HKDC1: variants seen among roughly 807,000 people sequenced by gnomAD.
HKDC1 encodes the protein hexokinase HKDC1.
A neutral mutation model predicts 96.6 loss-of-function variants in HKDC1; 66 were observed. The ratio of observed to expected loss-of-function variants is 0.68; its 90% CI spans 0.56 to 0.84. HKDC1 has a LOEUF of 0.84. Among genes scored for constraint, HKDC1 ranks in the 40% least tolerant of loss-of-function variants. The probability of loss-of-function intolerance (pLI) is 0.00; values close to 1 mark genes in which losing one functional copy is unlikely to be tolerated. For synonymous variants in HKDC1, 466 were observed against 473.1 expected, an observed-to-expected ratio of 0.98 and a Z score of 0.20; for missense variants, 1,211 against 1,208.1, an observed-to-expected ratio of 1.00 and a Z score of -0.04.
intron 10 of HKDC1, 175 bp downstream of exon 10, chr10:69,248,903 C>A: frequency 1.6e-6 from 1 of 608,694 alleles, no homozygotes; most frequent in Non-Finnish European, 2.8e-6. Context: ...TAACCCAAGG[C>A]ATTTGCAGTA....
At chr10:69,264,417 A>G (rs1843859036) in intron 16 of HKDC1, among the ~76,000 whole-genome samples, 1 of 150,568 alleles carries the variant, frequency 6.6e-6, no homozygotes, top group African/African-American at 2.5e-5. Flanking sequence ...GCTATTACCC[A>G]GGCTGGAGTA....
chr10:69,253,989 G>A (rs1268230947), intron 12 of HKDC1, among the ~76,000 whole-genome samples: 1 of 152,134 alleles, frequency 6.6e-6, no homozygotes, highest in East Asian at 1.9e-4. Context: ...CAATAATAAG[G>A]GTAGCACCAA....
intron 1 of HKDC1, among the ~76,000 whole-genome samples, chr10:69,224,654 G>A (rs148963699): frequency 8.7e-4 from 132 of 152,318 alleles, no homozygotes; most frequent in African/African-American, 3.1e-3. Flanking sequence ...GAAAGCCCTG[G>A]GTCAAAGAGC....
In HKDC1 at chr10:69,240,710, G is replaced by C. The variant is rs140306975; in HGVS notation, c.650G>C (p.Cys217Ser). The C allele has an allele frequency of 6.2e-7, 1 of 1,614,098 alleles. No individual in the cohort carries two copies. Among genetic ancestry groups the C allele is most frequent in the South Asian group, 1.1e-5 (1 of 91,076 alleles). Residue 217 changes from cysteine (C) to serine (S), a missense_variant, in exon 6 of 18, where the codon TGT becomes TCT. By Grantham distance (112) the Cys-to-Ser change is moderately radical. Transcript: ENST00000354624. ...GACACCGTGGGGACCATGATGACCT[G>C]TGCCTATGACGACCCCTACTGCGAA... ...VNDTVGTMMT[C>S]AYDDPYCEVG...
At chr10:69,226,832 G>A (rs1843164497) in intron 1 of HKDC1, among the ~76,000 whole-genome samples, 1 of 152,176 alleles carries the variant, frequency 6.6e-6, no homozygotes, top group Non-Finnish European at 1.5e-5. Flanking sequence ...TCAAGCTCTA[G>A]CTGGCCTTTT....
chr10:69,267,079 C>A lies in HKDC1; in HGVS notation c.*322C>A. On this transcript the variant is annotated 3_prime_UTR_variant, in exon 18 of 18. Transcript: ENST00000354624. ...TCTATGGCTTTCAGTCTTGTGGCTGCGGGACTTGGAAATATATAGAATCTG... is the reference window on the plus strand; with the variant it reads ...TCTATGGCTTTCAGTCTTGTGGCTGAGGGACTTGGAAATATATAGAATCTG... The A allele has an allele frequency of 4.2e-6, 1 of 235,628 alleles. No homozygotes were observed. The highest frequency in any genetic ancestry group is 7.7e-5 in the South Asian group (1 of 13,038). The allele number at this position is 235,628 out of a possible 1,614,324, so 14.6% of individuals were successfully genotyped here.
In HKDC1 at chr10:69,222,105, C is replaced by T. The variant is rs553441074; in HGVS notation, c.63+1607C>T. On this transcript the variant is annotated intron_variant, in intron 1 of 17. Coordinates refer to ENST00000354624, the MANE Select transcript of HKDC1 (RefSeq NM_025130.4). The stretch of plus-strand genomic sequence containing the variant: ...GGCGTGGTGGAGTGCGCCTGTAATC[C>T]CAACTACTCAGAAGGCTGAGGCAGG... Among the ~76,000 whole-genome samples the T allele has an allele frequency of 8.1e-4, 124 of 152,150 alleles. No homozygotes were observed. The Middle Eastern group carries it at 0.01, about 13-fold the overall frequency.
rs137872948 is a variant in HKDC1 at position 69,232,861 on chromosome 10, G to A, written c.324G>A (p.Glu108=). ...AGGGGAAGCGACACGTGCAGATGGA[G>A]AGTCAGTTCTACCCAACGCCCAATG... is the stretch of plus-strand genomic sequence containing the variant. ...AEEGKRHVQM[E]SQFYPTPNEI... is the part of the protein sequence containing the mutation. The change falls in exon 3 of 18, where the codon GAG becomes GAA. Residue 108 remains glutamate (E), a synonymous_variant. Coordinates refer to ENST00000354624, the MANE Select transcript of HKDC1 (RefSeq NM_025130.4). The A allele has an allele frequency of 1.2e-6, 2 of 1,613,964 alleles. No individual in the cohort carries two copies. The highest frequency in any genetic ancestry group is 1.7e-6 in the Non-Finnish European group (2 of 1,180,048).
rs551877531 is a variant in HKDC1, at chr10:69,225,140, C to T, written c.64-2067C>T. ...CTCAATGACCCCATTAAACCCCAGT[C>T]GCAAATGACCCCAACTGGGTCTCAA... On this transcript the variant is annotated intron_variant, in intron 1 of 17. Transcript: ENST00000354624. Among the ~76,000 whole-genome samples, 46 of 152,302 alleles carry T rather than the reference C, an allele frequency of 3.0e-4. No homozygotes were observed. In the South Asian group the frequency reaches 5.6e-3, roughly 19 times the overall value.
intron 16 of HKDC1, chr10:69,265,290 T>C (rs561189847): frequency 4.4e-5 from 16 of 362,080 alleles, no homozygotes; most frequent in African/African-American, 3.5e-4. Context: ...GAAAAATGGG[T>C]ACCTGGTGTG....
intron 1 of HKDC1, among the ~76,000 whole-genome samples, chr10:69,226,254 C>G (rs748932421): frequency 6.6e-6 from 1 of 152,144 alleles, no homozygotes; most frequent in African/African-American, 2.4e-5. Flanking sequence ...GTCCCCGTTT[C>G]CTGGTTACAT....
intron 8 of HKDC1, among the ~76,000 whole-genome samples, 197 bp from the exon 9 acceptor site, chr10:69,247,163 T>C (rs1356138496): frequency 6.6e-6 from 1 of 152,224 alleles, no homozygotes; most frequent in Non-Finnish European, 1.5e-5. Flanking sequence ...GTAAAATCCT[T>C]AGACAAGTAC....
intron 15 of HKDC1, 26 bp from the exon 16 acceptor site, chr10:69,261,113 C>A (rs1564737559): frequency 4.4e-6 from 7 of 1,605,586 alleles, no homozygotes; most frequent in Non-Finnish European, 4.3e-6. Flanking sequence ...AGGTCTGCCC[C>A]AACCTTATCC....
chr10:69,233,309 C>G (rs1843303558), intron 4 of HKDC1, among the ~76,000 whole-genome samples, 176 bp downstream of exon 4: 1 of 152,098 alleles, frequency 6.6e-6, no homozygotes, highest in South Asian at 2.1e-4. Flanking sequence ...AACGCAATGG[C>G]CTTGATTTTA....
At chr10:69,223,962 A>G (rs1473939320) in intron 1 of HKDC1, among the ~76,000 whole-genome samples, 2 of 151,062 alleles carry the variant, frequency 1.3e-5, no homozygotes, top group African/African-American at 4.8e-5. Flanking sequence ...TAATCCCAGC[A>G]CTTTGGGAGG....
At chr10:69,234,741 G>A (rs1364289639) in intron 4 of HKDC1, among the ~76,000 whole-genome samples, 7 of 152,260 alleles carry the variant, frequency 4.6e-5, no homozygotes, top group African/African-American at 1.7e-4. Context: ...AAATTCAACA[G>A]AGGTTTTTGG....
At chr10:69,243,892 CATAACCCTA>C (rs1387816074) in intron 7 of HKDC1, among the ~76,000 whole-genome samples, 1 of 152,212 alleles carries the variant, frequency 6.6e-6, no homozygotes, top group Non-Finnish European at 1.5e-5. Context: ...TTCCCTAAGT[CATAACCCTA>C]ATAACCCTAA....
At position 69,237,083 on chromosome 10, in the gene HKDC1, G is replaced by A. The variant is rs1265850950; in HGVS notation, c.496-1959G>A. ...CATGACTGCAGAGGGATGGAAAGGG[G>A]AAGGCTGTGTGAGGAGGTGTGATTA... On this transcript the variant is annotated intron_variant, in intron 4 of 17. Transcript: ENST00000354624. 2.6e-5 allele frequency among the ~76,000 whole-genome samples: 4 copies of A among 152,158 alleles called. No individual in the cohort carries two copies. The East Asian group carries it at 7.7e-4, about 29-fold the overall frequency.
chr10:69,247,630 G>A (rs1266729107), intron 9 of HKDC1, 37 bp downstream of exon 9: 3 of 1,549,360 alleles, frequency 1.9e-6, no homozygotes, highest in South Asian at 2.3e-5. Context: ...CCACAAATGA[G>A]TCTCCCTGGA....
Sources: gnomAD v4.1 joint callset for allele counts (sites outside exome capture counted in the v4.1 genomes callset) on GRCh38, gnomAD v4.1.1 for gene constraint, MANE v1.5 for transcripts, NCBI Gene and HGNC (gene_info 2026-07-23, HGNC 2026-07-21) for gene names.